NXN: variants seen among roughly 807,000 people sequenced by gnomAD.
The protein encoded by NXN is nucleoredoxin.
A neutral mutation model predicts 48.6 loss-of-function variants in NXN; 16 were observed. That is an observed-to-expected ratio of 0.33 (90% confidence interval 0.22 to 0.50). NXN has a LOEUF of 0.50. NXN is among the 20% of genes least tolerant of loss of function. The probability of loss-of-function intolerance (pLI) is 0.98; values close to 1 mark genes in which losing one functional copy is unlikely to be tolerated. For synonymous variants in NXN, 281 were observed against 269.6 expected, an observed-to-expected ratio of 1.04 and a Z score of -0.41; for missense variants, 492 against 605.5, an observed-to-expected ratio of 0.81 and a Z score of 1.97.
intron 1 of NXN, among the ~76,000 whole-genome samples, chr17:858,788 A>G (rs2068013087): frequency 6.6e-6 from 1 of 152,180 alleles, no homozygotes; most frequent in African/African-American, 2.4e-5. Context: ...TTACACACGA[A>G]GGGTCTGAGA....
At chr17:876,054 A>G (rs1298333817) in intron 1 of NXN, among the ~76,000 whole-genome samples, 1 of 151,974 alleles carries the variant, frequency 6.6e-6, no homozygotes, top group African/African-American at 2.4e-5. Context: ...GGTGGCGTGC[A>G]CCTGTAATCC....
chr17:885,522 A>G (rs1692197), intron 1 of NXN, among the ~76,000 whole-genome samples: 23,421 of 151,354 alleles, frequency 0.15, 2,590 homozygotes, highest in African/African-American at 0.32. Flanking sequence ...TCAGGATTTC[A>G]TAGTCCGTCT....
chr17:972,192 C>T (rs1056040631), intron 1 of NXN, among the ~76,000 whole-genome samples: 2 of 152,184 alleles, frequency 1.3e-5, no homozygotes, highest in African/African-American at 4.8e-5. Context: ...ATCCCAGCTA[C>T]TCGGGAGGCT....
intron 1 of NXN, among the ~76,000 whole-genome samples, chr17:938,939 C>G (rs1304274818): frequency 1.3e-5 from 2 of 151,596 alleles, no homozygotes; most frequent in Non-Finnish European, 2.9e-5. Context: ...GTAATCCCAG[C>G]TACACGGGAC....
rs571996694 is a variant in NXN, at chr17:871,052, G to A, written c.361-44974C>T. Among the ~76,000 whole-genome samples, 528 of 152,022 alleles carry A rather than the reference G, an allele frequency of 3.5e-3. 3 individuals carry two copies. Among genetic ancestry groups the A allele is most frequent in the Middle Eastern group, 0.01 (3 of 294 alleles). ...TTTTTTTTGTATTTTTAGTAGAGAC[G>A]GGGTTTCACTGTGTTGGCCAGGATG... On this transcript the variant is annotated intron_variant, in intron 1 of 7. Transcript: ENST00000336868.
At chr17:863,813 G>T in intron 1 of NXN, 1 of 734,842 alleles carries the variant, frequency 1.4e-6, no homozygotes, top group Non-Finnish European at 2.3e-6. Context: ...ACATACAAAT[G>T]GACCCTTGCA....
At chr17:962,787 A>G (rs1363538518) in intron 1 of NXN, among the ~76,000 whole-genome samples, 1 of 152,160 alleles carries the variant, frequency 6.6e-6, no homozygotes, top group African/African-American at 2.4e-5. Context: ...TTGGAAGCGG[A>G]GACTGATGGC....
chr17:979,290 C>CAGGGGTAACGGGCGTGGGGGGCGGGA (rs2069506973), intron 1 of NXN, 29 bp downstream of exon 1: 2 of 1,430,722 alleles, frequency 1.4e-6, no homozygotes, highest in Non-Finnish European at 9.2e-7. Context: ...GGGGGGCGGG[C>CAGGGGTAACGGGCGTGGGGGGCGGGA]AGGGGCCGGC....
In NXN at chr17:889,762, A is replaced by AG. The variant is rs1403798785; in HGVS notation, c.361-63685_361-63684insC. 8.8e-3 allele frequency among the ~76,000 whole-genome samples: 54 copies of AG among 6,146 alleles called. 1 individual carries two copies. The highest frequency in any genetic ancestry group is 0.068 in the African/African-American group (30 of 438). The allele number at this position is 6,146 out of a possible 152,430, so 4.0% of individuals were successfully genotyped here. On this transcript the variant is annotated intron_variant, in intron 1 of 7. Transcript: ENST00000336868. ...AAGAAAGAAAGAAAGAAAGAAAGAAAAAGAAAGAAAGAAAAGAGAGAGAAA... is the reference window on the plus strand; with the variant it reads ...AAGAAAGAAAGAAAGAAAGAAAGAAAGAAGAAAGAAAGAAAAGAGAGAGAAA...
chr17:936,425 A>G (rs76861582), intron 1 of NXN, among the ~76,000 whole-genome samples: 2,175 of 152,122 alleles, frequency 0.014, 56 homozygotes, highest in African/African-American at 0.049. Context: ...CAACCCGGCC[A>G]GCATCTGCCC....
At chr17:819,367 A>C in intron 5 of NXN, 72 bp downstream of exon 5, 1 of 1,027,566 alleles carries the variant, frequency 9.7e-7, no homozygotes, top group Non-Finnish European at 1.5e-6. Context: ...CTTAAAGGAA[A>C]GCCAAAGACA....
At chr17:913,750 A>G (rs1039581921) in intron 1 of NXN, among the ~76,000 whole-genome samples, 4 of 152,170 alleles carry the variant, frequency 2.6e-5, no homozygotes, top group African/African-American at 9.7e-5. Flanking sequence ...CCTTGTAGTA[A>G]AAGAGCAGAC....
rs1382168362 is a variant in NXN, at chr17:826,006, C to A, written c.433G>T (p.Val145Phe). Reference protein sequence around the residue: ...LIFLDATTGKVVCRNGLLVIR... With the variant: ...LIFLDATTGKFVCRNGLLVIR... Reference sequence around the variant, plus strand: ...ACCAGCAGCCCGTTCCTGCACACAACCTTCCCAGTGGTGGCGTCGAGGAAT... The same window carrying A: ...ACCAGCAGCCCGTTCCTGCACACAAACTTCCCAGTGGTGGCGTCGAGGAAT... Residue 145 changes from valine to phenylalanine, a missense_variant, in exon 2 of 8, where the codon GTT becomes TTT. Val to Phe is a conservative substitution (Grantham distance 50). Transcript: ENST00000336868. The A allele has an allele frequency of 6.2e-7, 1 of 1,613,976 alleles. No homozygotes were observed. The highest frequency in any genetic ancestry group is 8.5e-7 in the Non-Finnish European group (1 of 1,179,944).
At chr17:928,067 T>C (rs1270700668) in intron 1 of NXN, among the ~76,000 whole-genome samples, 1 of 151,840 alleles carries the variant, frequency 6.6e-6, no homozygotes, top group Non-Finnish European at 1.5e-5. Flanking sequence ...AGGAGTTACT[T>C]AATTCACAGG....
chr17:883,947 G>A (rs144616698), intron 1 of NXN, among the ~76,000 whole-genome samples: 2,087 of 152,258 alleles, frequency 0.014, 53 homozygotes, highest in African/African-American at 0.047. Context: ...GGCCGGGCGC[G>A]GTGGCTCACG....
rs367879916 is a variant in NXN at position 827,361 on chromosome 17, A to G, written c.361-1283T>C. Reference sequence around the variant, plus strand: ...GACGTGGCCGGGTGCGGTGGCTCACACCTGTAATCCCAGCACTTTGGGAGG... The same window carrying G: ...GACGTGGCCGGGTGCGGTGGCTCACGCCTGTAATCCCAGCACTTTGGGAGG... On this transcript the variant is annotated intron_variant, in intron 1 of 7. Coordinates refer to ENST00000336868, the MANE Select transcript of NXN (RefSeq NM_022463.5). 2.5e-4 allele frequency among the ~76,000 whole-genome samples: 38 copies of G among 152,072 alleles called. 1 individual carries two copies. Among genetic ancestry groups the G allele is most frequent in the African/African-American group, 8.0e-4 (33 of 41,478 alleles).
intron 1 of NXN, among the ~76,000 whole-genome samples, chr17:901,722 T>C (rs981731616): frequency 2.0e-5 from 3 of 152,246 alleles, no homozygotes; most frequent in East Asian, 1.9e-4. Context: ...TTTTTGGAGA[T>C]GGGATATCGC....
chr17:959,945 A>G (rs1215656545), intron 1 of NXN, among the ~76,000 whole-genome samples: 1 of 152,098 alleles, frequency 6.6e-6, no homozygotes, highest in East Asian at 1.9e-4. Flanking sequence ...ATACAAAATT[A>G]GCTGGGCATG....
intron 1 of NXN, among the ~76,000 whole-genome samples, chr17:934,171 C>T (rs1001272752): frequency 1.1e-4 from 16 of 151,902 alleles, no homozygotes; most frequent in Non-Finnish European, 1.9e-4. Context: ...GGAGGCCGGG[C>T]GCGGTGGCTC....
Sources: gnomAD v4.1 joint callset for allele counts (sites outside exome capture counted in the v4.1 genomes callset) on GRCh38, gnomAD v4.1.1 for gene constraint, MANE v1.5 for transcripts, NCBI Gene and HGNC (gene_info 2026-07-23, HGNC 2026-07-21) for gene names.